TBL1X: variants seen among roughly 807,000 people sequenced by gnomAD.
TBL1X encodes the protein transducin beta like 1 X-linked, also known as F-box-like/WD repeat-containing protein TBL1X.
In TBL1X, 10 loss-of-function variants were observed where a neutral mutation model predicts 50.7. The ratio of observed to expected loss-of-function variants is 0.20; its 90% CI spans 0.12 to 0.33. The LOEUF is 0.33. TBL1X is among the 10% of genes least tolerant of loss of function. TBL1X has a pLI of 1.00. For synonymous variants in TBL1X, 190 were observed against 214.7 expected, an observed-to-expected ratio of 0.88 and a Z score of 1.01; for missense variants, 340 against 504.4, an observed-to-expected ratio of 0.67 and a Z score of 3.12.
intron 1 of TBL1X, among the ~76,000 whole-genome samples, chrX:9,479,965 T>TGTGTGTGTGTGTGTG (rs1313372994): frequency 8.3e-5 from 9 of 108,656 alleles, no homozygotes; most frequent in Admixed American, 2.0e-4. Context: ...TGTGTGTGTG[T>TGTGTGTGTGTGTGTG]TTGAGATGGA....
At chrX:9,655,142 G>A (rs1472655232) in intron 5 of TBL1X, among the ~76,000 whole-genome samples, 2 of 111,145 alleles carry the variant, frequency 1.8e-5, no homozygotes, top group Non-Finnish European at 3.8e-5. Flanking sequence ...TTTCCTAAGC[G>A]ACATACGGTG....
chrX:9,549,846 G>A (rs2238854), intron 2 of TBL1X, among the ~76,000 whole-genome samples: 42,088 of 110,418 alleles, frequency 0.38, 6,095 homozygotes, highest in Admixed American at 0.51. Context: ...CACACGAATG[G>A]TTCAGAGTCT....
chrX:9,636,162 A>G (rs1032224727), intron 2 of TBL1X: 2 of 111,666 alleles, frequency 1.8e-5, no homozygotes, highest in African/African-American at 6.5e-5. Context: ...AATGGGAGTG[A>G]CTGCTTAGTG....
rs750428796 is a variant in TBL1X at position 9,687,997 on chromosome X, A to C, written c.358-20A>C. 1.5e-5 allele frequency: 18 copies of C among 1,194,041 alleles called. No individual in the cohort carries two copies. The South Asian group carries it at 1.7e-4, about 11-fold the overall frequency. ...CTCACCCCCGTGAGCTGACAGCTGTACCTTGGCTTGCTTCCCCAGGATGGC... is the reference window on the plus strand; with the variant it reads ...CTCACCCCCGTGAGCTGACAGCTGTCCCTTGGCTTGCTTCCCCAGGATGGC... On this transcript the variant is annotated intron_variant, in intron 6 of 17. Transcript: ENST00000645353.
chrX:9,700,526 C>T (rs747636973), intron 12 of TBL1X, among the ~76,000 whole-genome samples: 3 of 111,835 alleles, frequency 2.7e-5, no homozygotes, highest in South Asian at 3.8e-4. Context: ...ACCCAATTCC[C>T]GTCGGCAGGT....
At chrX:9,554,762 A>G (rs1321940967) in intron 2 of TBL1X, among the ~76,000 whole-genome samples, 4 of 112,134 alleles carry the variant, frequency 3.6e-5, no homozygotes, top group Non-Finnish European at 7.5e-5. Context: ...TATAATTTAC[A>G]TACCATAAAA....
chrX:9,678,343 T>C (rs1464249420), intron 5 of TBL1X, among the ~76,000 whole-genome samples: 1 of 111,622 alleles, frequency 9.0e-6, no homozygotes, highest in Non-Finnish European at 1.9e-5. Flanking sequence ...AACTCTCCCA[T>C]TGTAGTGTGA....
At chrX:9,576,302 C>G (rs2147015394) in intron 2 of TBL1X, among the ~76,000 whole-genome samples, 1 of 112,221 alleles carries the variant, frequency 8.9e-6, no homozygotes, top group South Asian at 3.7e-4. Context: ...GGGCAGATGC[C>G]AGGCCTATTG....
At chrX:9,675,021 G>A (rs754196560) in intron 5 of TBL1X, among the ~76,000 whole-genome samples, 2 of 111,493 alleles carry the variant, frequency 1.8e-5, no homozygotes, top group Non-Finnish European at 3.8e-5. Context: ...TCTATTGTTC[G>A]CATAACATAC....
At chrX:9,648,180 T>G (rs770177993) in intron 3 of TBL1X, among the ~76,000 whole-genome samples, 1 of 111,403 alleles carries the variant, frequency 9.0e-6, no homozygotes, top group African/African-American at 3.3e-5. Context: ...CTACCTTATC[T>G]CTAGCCAATA....
At chrX:9,669,620 A>T (rs775064345) in intron 5 of TBL1X, among the ~76,000 whole-genome samples, 2 of 111,355 alleles carry the variant, frequency 1.8e-5, no homozygotes, top group African/African-American at 6.5e-5. Context: ...TGCCAAAACT[A>T]CAGATGACCA....
At chrX:9,651,045 T>G (rs1280830362) in intron 3 of TBL1X, among the ~76,000 whole-genome samples, 1 of 36,836 alleles carries the variant, frequency 2.7e-5, no homozygotes, top group African/African-American at 1.1e-4. Context: ...TTTTTTTTTT[T>G]TGAGAAAGGG....
chrX:9,580,049 C>G (rs1231390445), intron 2 of TBL1X, among the ~76,000 whole-genome samples: 1 of 112,320 alleles, frequency 8.9e-6, no homozygotes, highest in Non-Finnish European at 1.9e-5. Flanking sequence ...TGAGCCAACT[C>G]TGAGTGGCCA....
Position 9,527,211 on chromosome X carries a change from C to T in TBL1X, c.-131+25362C>T, listed in dbSNP as rs1419092344. Among the ~76,000 whole-genome samples, 3 of 111,956 alleles carry T rather than the reference C, an allele frequency of 2.7e-5. No individual in the cohort carries two copies. In the East Asian group the frequency reaches 8.4e-4, roughly 32 times the overall value. ...GTGTGAGGAGTGACTGTAGCTGCAG[C>T]TCAGCAGCGTCTCAGGAGAAGCCAG... On this transcript the variant is annotated intron_variant, in intron 2 of 17. Coordinates refer to ENST00000645353, the MANE Select transcript of TBL1X (RefSeq NM_005647.4).
intron 1 of TBL1X, among the ~76,000 whole-genome samples, chrX:9,475,065 G>A (rs961376565): frequency 5.4e-5 from 6 of 111,256 alleles, no homozygotes. Context: ...GTAGAGACGG[G>A]GTTTTGCCAT....
Position 9,691,596 on chromosome X carries a change from A to G in TBL1X, c.634A>G (p.Met212Val), listed in dbSNP as rs1569100601. Residue 212 changes from methionine to valine, a missense_variant, in exon 8 of 18, where the codon ATG becomes GTG. Physicochemically the swap from Met to Val is conservative, Grantham distance 21. This residue lies in a region of TBL1X where 99 missense variants were observed against 93.3 expected (regional missense o/e 1.06). Coordinates refer to ENST00000645353, the MANE Select transcript of TBL1X (RefSeq NM_005647.4). ...TGTGACAGATAATCACGCGAAGCCA[A>G]TGGAAATAGATGGAGAGGTTGAGAT... is the stretch of plus-strand genomic sequence containing the variant. ...AHSVNNHAKP[M>V]EIDGEVEIPS... is the part of the protein sequence containing the mutation. 1.7e-6 allele frequency: 2 copies of G among 1,210,710 alleles called. No homozygotes were observed. The highest frequency in any genetic ancestry group is 2.2e-6 in the Non-Finnish European group (2 of 895,136).
At chrX:9,534,190 A>G (rs974872543) in intron 2 of TBL1X, among the ~76,000 whole-genome samples, 2 of 111,548 alleles carry the variant, frequency 1.8e-5, no homozygotes, top group African/African-American at 6.5e-5. Flanking sequence ...TCTCCCTTTC[A>G]CTGTGTCTAC....
At chrX:9,697,749 C>A (rs1416843535) in intron 12 of TBL1X, among the ~76,000 whole-genome samples, 1 of 111,399 alleles carries the variant, frequency 9.0e-6, no homozygotes, top group African/African-American at 3.3e-5. Flanking sequence ...CCATCCTGGG[C>A]GACAGAGCCA....
intron 6 of TBL1X, among the ~76,000 whole-genome samples, chrX:9,687,143 C>G (rs189469431): frequency 8.9e-6 from 1 of 112,286 alleles, no homozygotes; most frequent in African/African-American, 3.2e-5. Flanking sequence ...TGGCGTGTTT[C>G]ACAAGGAAAG....
Sources: allele counts gnomAD v4.1 joint callset (sites outside exome capture counted in the v4.1 genomes callset), GRCh38; gene constraint gnomAD v4.1.1; regional missense constraint gnomAD v4.1.1; transcripts MANE v1.5; gene names NCBI Gene and HGNC (gene_info 2026-07-23, HGNC 2026-07-21).